Variants in DCAF8L2 observed in about 807,000 individuals in gnomAD.
The protein encoded by DCAF8L2 is DDB1 and CUL4 associated factor 8 like 2.
For synonymous variants in DCAF8L2, 200 were observed against 190.9 expected (o/e 1.05, Z -0.39); for missense variants, 430 against 490.7 (o/e 0.88, Z 1.17).
At chrX:27,619,534 G>A (rs1222613800) in intron 1 of DCAF8L2, among the ~76,000 whole-genome samples, 1 of 111,683 alleles carries the variant, frequency 9.0e-6, no homozygotes. Context: ...AGCATAAGCA[G>A]ACCTGACACT....
At chrX:27,679,343 T>C (rs753283206) in intron 3 of DCAF8L2, among the ~76,000 whole-genome samples, 9 of 110,584 alleles carry the variant, frequency 8.1e-5, no homozygotes, top group African/African-American at 2.6e-4. Context: ...TAATTTGTCA[T>C]AGGAAATTAC....
rs72623783 is a variant in DCAF8L2, at chrX:27,718,426, T to A, written c.-59+2255T>A. On this transcript the variant is annotated intron_variant, in intron 4 of 4. Coordinates refer to ENST00000451261, the MANE Select transcript of DCAF8L2 (RefSeq NM_001353450.2). ...ATCACCACTTTTAGGATACTTCCCC[T>A]ACTTCTAGTTTGTGTATAAGCCTAT... Among the ~76,000 whole-genome samples, 703 of 112,311 alleles carry A rather than the reference T, an allele frequency of 6.3e-3. 18 individuals are homozygous for A. In the East Asian group the frequency reaches 0.11, roughly 17 times the overall value.
chrX:27,685,567 AC>A (rs1173620089), intron 3 of DCAF8L2, among the ~76,000 whole-genome samples: 2 of 112,066 alleles, frequency 1.8e-5, no homozygotes, highest in Non-Finnish European at 3.8e-5. Context: ...CTCACTACAC[AC>A]CAAAAATAAA....
chrX:27,523,654 C>T, the DCAF8L2 span, among the ~76,000 whole-genome samples: 3 of 108,872 alleles, frequency 2.8e-5, no homozygotes, highest in South Asian at 1.2e-3. Context: ...TTCTAGGGTA[C>T]ATGTGCACAA....
upstream of DCAF8L2, chrX:27,590,246 C>T (rs1926007987): frequency 9.0e-6 from 1 of 111,133 alleles, no homozygotes; most frequent in Non-Finnish European, 1.9e-5. Flanking sequence ...GACCATGGAG[C>T]GCTTGATAAA....
At chrX:27,542,074 A>T in the DCAF8L2 span, among the ~76,000 whole-genome samples, 3 of 30,862 alleles carry the variant, frequency 9.7e-5, no homozygotes, top group Admixed American at 3.4e-4. Context: ...TATGTACCAG[A>T]TTTTCTTTAT....
At chrX:27,712,566 G>A (rs181959378) in intron 3 of DCAF8L2, 1 of 111,492 alleles carries the variant, frequency 9.0e-6, no homozygotes, top group East Asian at 2.8e-4. Flanking sequence ...AGGGTTCTGT[G>A]TTCACTTGAC....
chrX:27,540,463 G>T, the DCAF8L2 span, among the ~76,000 whole-genome samples: 1 of 111,032 alleles, frequency 9.0e-6, no homozygotes, highest in Non-Finnish European at 1.9e-5. Flanking sequence ...GTGAAATAAG[G>T]CATGCACAGA....
intron 1 of DCAF8L2, among the ~76,000 whole-genome samples, chrX:27,618,670 G>A (rs911827740): frequency 1.8e-5 from 2 of 110,902 alleles, no homozygotes; most frequent in Non-Finnish European, 3.8e-5. Context: ...ACATTTAGAA[G>A]AGCTTGAAAT....
the DCAF8L2 span, among the ~76,000 whole-genome samples, chrX:27,574,912 C>A: frequency 3.6e-5 from 4 of 111,513 alleles, no homozygotes; most frequent in Non-Finnish European, 7.5e-5. Context: ...CTCTTTTAGG[C>A]GGCTTGTGTT....
At chrX:27,673,003 C>A (rs1930002557) in intron 2 of DCAF8L2, among the ~76,000 whole-genome samples, 1 of 111,013 alleles carries the variant, frequency 9.0e-6, no homozygotes, top group Non-Finnish European at 1.9e-5. Context: ...AGAGTCCCCA[C>A]AAGCCCTGAA....
the DCAF8L2 span, among the ~76,000 whole-genome samples, chrX:27,571,451 G>T: frequency 9.0e-6 from 1 of 111,671 alleles, no homozygotes; most frequent in Non-Finnish European, 1.9e-5. Context: ...GAAGTTTTTG[G>T]TGAGAGGGCT....
chrX:27,604,556 T>C (rs559196880), intron 1 of DCAF8L2, among the ~76,000 whole-genome samples: 1 of 111,724 alleles, frequency 9.0e-6, no homozygotes, highest in African/African-American at 3.2e-5. Context: ...TTGCAGAAAC[T>C]CTGTAAATAT....
At chrX:27,504,166 A>G in the DCAF8L2 span, among the ~76,000 whole-genome samples, 2 of 112,406 alleles carry the variant, frequency 1.8e-5, no homozygotes. Context: ...AAATTGTTTT[A>G]ACCTAAACGA....
At chrX:27,478,673 G>C in the DCAF8L2 span, among the ~76,000 whole-genome samples, 1 of 111,625 alleles carries the variant, frequency 9.0e-6, no homozygotes, top group African/African-American at 3.2e-5. Context: ...ATAATGCCAA[G>C]ATATATAGAG....
chrX:27,694,941 A>G (rs1398835536), intron 3 of DCAF8L2, among the ~76,000 whole-genome samples: 2 of 112,200 alleles, frequency 1.8e-5, no homozygotes, highest in African/African-American at 6.5e-5. Context: ...GGATATTTTT[A>G]TTCAAGAAGG....
At chrX:27,513,657 A>G in the DCAF8L2 span, among the ~76,000 whole-genome samples, 1 of 107,813 alleles carries the variant, frequency 9.3e-6, no homozygotes, top group Middle Eastern at 4.2e-3. Context: ...GTGAGCTGAG[A>G]TCACACCACT....
chrX:27,714,905 T>C (rs1377452502), intron 3 of DCAF8L2, among the ~76,000 whole-genome samples: 1 of 111,819 alleles, frequency 8.9e-6, no homozygotes, highest in Non-Finnish European at 1.9e-5. Context: ...GATTTTTTTA[T>C]TTTTTATTTT....
chrX:27,629,595 T>A (rs1311999053), intron 1 of DCAF8L2, among the ~76,000 whole-genome samples: 2 of 110,653 alleles, frequency 1.8e-5, no homozygotes, highest in African/African-American at 6.6e-5. Context: ...TGTGCATTAT[T>A]GGCACCCTTG....
Sources: allele counts gnomAD v4.1 joint callset (sites outside exome capture counted in the v4.1 genomes callset), GRCh38; gene constraint gnomAD v4.1.1; transcripts MANE v1.5; gene names NCBI Gene and HGNC (gene_info 2026-07-23, HGNC 2026-07-21).